The following TTC6 variants were observed in gnomAD, a reference collection of about 807,000 sequenced individuals.
The protein encoded by TTC6 is tetratricopeptide repeat domain 6.
In TTC6, 172 loss-of-function variants were observed where a neutral mutation model predicts 210.4. The observed-to-expected ratio is 0.82, with a 90% CI of 0.72 to 0.93. The LOEUF is 0.93. Ranked by LOEUF, TTC6 falls within the 40% of genes least tolerant of loss-of-function variation. TTC6 has a pLI of 0.00. For synonymous variants in TTC6, 804 were observed against 819.6 expected (o/e 0.98, Z 0.32); for missense variants, 2,414 against 2,318.1 (o/e 1.04, Z -0.85).
At chr14:37,838,812 C>T (rs1415950093) in intron 29 of TTC6, among the ~76,000 whole-genome samples, 1 of 152,174 alleles carries the variant, frequency 6.6e-6, no homozygotes, top group East Asian at 1.9e-4. Flanking sequence ...CCCTCCCCCA[C>T]CCACTGACAG....
At chr14:37,622,158 G>T in exon 1 of TTC6, 1 of 1,535,488 alleles carries the variant, frequency 6.5e-7, no homozygotes, top group Non-Finnish European at 8.7e-7. Flanking sequence ...AACTAAAAAG[G>T]ATTTTCTCCG....
chr14:37,689,399 T>C (rs2095799571), intron 3 of TTC6, among the ~76,000 whole-genome samples: 1 of 151,972 alleles, frequency 6.6e-6, no homozygotes, highest in South Asian at 2.1e-4. Context: ...GGTAGAAAGT[T>C]TACTCAAAGG....
intron 14 of TTC6, among the ~76,000 whole-genome samples, chr14:37,785,515 C>T (rs2096065481): frequency 6.6e-6 from 1 of 152,098 alleles, no homozygotes; most frequent in African/African-American, 2.4e-5. Flanking sequence ...GTTAGCCATT[C>T]GTGTAATCTT....
intron 20 of TTC6, among the ~76,000 whole-genome samples, chr14:37,801,290 A>G (rs1198411183): frequency 6.6e-6 from 1 of 152,096 alleles, no homozygotes; most frequent in Admixed American, 6.5e-5. Context: ...AAATGATGAA[A>G]TTTTAGATGT....
intron 1 of TTC6, among the ~76,000 whole-genome samples, chr14:37,672,820 CA>C (rs1241434192): frequency 1.7e-5 from 2 of 118,912 alleles, no homozygotes; most frequent in African/African-American, 3.5e-5. Flanking sequence ...ATGAATTCCT[CA>C]TTTTTTTTTT....
chr14:37,778,883 G>A (rs1595248593), intron 14 of TTC6, among the ~76,000 whole-genome samples: 1 of 152,082 alleles, frequency 6.6e-6, no homozygotes, highest in South Asian at 2.1e-4. Flanking sequence ...CTGCTTTATT[G>A]AGGCCCAACA....
exon 18 of TTC6, chr14:37,795,286 A>G (rs1007682373): frequency 4.6e-6 from 7 of 1,531,540 alleles, no homozygotes; most frequent in African/African-American, 4.1e-5. Flanking sequence ...AAATTGAAAA[A>G]GGCAGTAAAT....
intron 10 of TTC6, 92 bp from the exon 13 acceptor site, chr14:37,748,847 A>G (rs914732528): frequency 1.5e-5 from 15 of 1,004,142 alleles, no homozygotes; most frequent in African/African-American, 3.3e-5. Flanking sequence ...TTTGATAACA[A>G]ATAGTAGTTT....
At chr14:37,746,658 A>T (rs1957578) in intron 10 of TTC6, among the ~76,000 whole-genome samples, 3 of 151,912 alleles carry the variant, frequency 2.0e-5, no homozygotes. Context: ...CATGGAGGAG[A>T]TATGTGGGAG....
intron 1 of TTC6, among the ~76,000 whole-genome samples, chr14:37,675,697 C>T (rs569298693): frequency 2.0e-5 from 3 of 151,702 alleles, no homozygotes; most frequent in African/African-American, 4.8e-5. Flanking sequence ...TAGCAGCATA[C>T]GAGGATTCTA....
intron 14 of TTC6, among the ~76,000 whole-genome samples, chr14:37,757,565 G>T (rs563338835): frequency 6.6e-6 from 1 of 151,956 alleles, no homozygotes; most frequent in East Asian, 1.9e-4. Context: ...GAGCCACTGC[G>T]CCTGGCCTTC....
At chr14:37,625,826 T>A (rs1343055045) in intron 1 of TTC6, among the ~76,000 whole-genome samples, 2 of 152,160 alleles carry the variant, frequency 1.3e-5, no homozygotes, top group African/African-American at 4.8e-5. Flanking sequence ...ACATTCCACA[T>A]GCAGCACTTG....
At chr14:37,616,955 C>A (rs1242263749) in intron 2 of TTC6, among the ~76,000 whole-genome samples, 1 of 152,134 alleles carries the variant, frequency 6.6e-6, no homozygotes, top group Non-Finnish European at 1.5e-5. Context: ...TGGCTCACTG[C>A]AGCCTTGACC....
At chr14:37,690,865 C>A (rs913237861) in intron 3 of TTC6, among the ~76,000 whole-genome samples, 2 of 152,132 alleles carry the variant, frequency 1.3e-5, no homozygotes. Flanking sequence ...CACTATAGAG[C>A]AATGGATCTA....
chr14:37,730,716 A>G (rs1033686768), intron 7 of TTC6, among the ~76,000 whole-genome samples: 3 of 152,114 alleles, frequency 2.0e-5, no homozygotes, highest in Non-Finnish European at 2.9e-5. Context: ...TGCCTCTTGC[A>G]TTCCAATTTG....
chr14:37,759,447 T>G (rs910381485), intron 14 of TTC6, among the ~76,000 whole-genome samples: 2 of 152,166 alleles, frequency 1.3e-5, no homozygotes, highest in Non-Finnish European at 2.9e-5. Context: ...TTTTCCTTTG[T>G]TTCAGCTTTG....
At chr14:37,645,575 A>T (rs1431331532) in intron 1 of TTC6, among the ~76,000 whole-genome samples, 1 of 152,224 alleles carries the variant, frequency 6.6e-6, no homozygotes, top group East Asian at 1.9e-4. Flanking sequence ...AGATGATCAG[A>T]AAAGGACCAT....
At chr14:37,666,577 T>G (rs374249834) in intron 1 of TTC6, among the ~76,000 whole-genome samples, 5 of 150,498 alleles carry the variant, frequency 3.3e-5, no homozygotes, top group East Asian at 3.9e-4. Flanking sequence ...GGAGATTTCT[T>G]GCTTCTCTCA....
chr14:37,790,933 C>A, intron 16 of TTC6, 96 bp downstream of exon 18: 3 of 1,073,388 alleles, frequency 2.8e-6, no homozygotes, highest in Non-Finnish European at 3.9e-6. Context: ...TCATTGATAA[C>A]CTAGAAAAAA....
Sources: gnomAD v4.1 joint callset for allele counts (sites outside exome capture counted in the v4.1 genomes callset) on GRCh38, gnomAD v4.1.1 for gene constraint, MANE v1.5 for transcripts, NCBI Gene and HGNC (gene_info 2026-07-23, HGNC 2026-07-21) for gene names.